C5: variants seen among roughly 807,000 people sequenced by gnomAD.
The protein encoded by C5 is complement C5.
In C5, 140 loss-of-function variants were observed where a neutral mutation model predicts 218.8. That is an observed-to-expected ratio of 0.64 (90% confidence interval 0.56 to 0.74). The LOEUF (loss-of-function observed/expected upper bound fraction) is 0.74, where lower values mean the gene tolerates loss of function less well. Among genes scored for constraint, C5 ranks in the 30% least tolerant of loss-of-function variants. The pLI is 0.00. For missense variants in C5, 1,700 were observed against 1,969.6 expected, an observed-to-expected ratio of 0.86 and a Z score of 2.59; for synonymous variants, 614 against 682.3, an observed-to-expected ratio of 0.90 and a Z score of 1.56.
intron 17 of C5, among the ~76,000 whole-genome samples, chr9:121,011,553 G>A (rs2047262283): frequency 6.6e-6 from 1 of 152,052 alleles, no homozygotes; most frequent in Non-Finnish European, 1.5e-5. Context: ...ATACACTATG[G>A]AGAACAGTTT....
chr9:121,068,340 C>T, the C5 span, among the ~76,000 whole-genome samples: 28 of 151,724 alleles, frequency 1.8e-4, no homozygotes, highest in African/African-American at 4.8e-4. Flanking sequence ...ACACAAACAA[C>T]AAATGAGCTA....
chr9:121,002,262 GTATA>G (rs1378580821), intron 20 of C5, among the ~76,000 whole-genome samples: 1,253 of 92,084 alleles, frequency 0.014, 34 homozygotes, highest in African/African-American at 0.038. Context: ...ATGTATATAT[GTATA>G]TATATGTATA....
intron 20 of C5, among the ~76,000 whole-genome samples, chr9:121,003,996 G>A (rs1218642703): frequency 6.6e-6 from 1 of 152,060 alleles, no homozygotes; most frequent in Non-Finnish European, 1.5e-5. Context: ...TGTCTCCCGA[G>A]TAGCTGGGAC....
chr9:120,974,974 T>C (rs377119321), intron 29 of C5, 43 bp from the exon 30 acceptor site: 31 of 1,608,362 alleles, frequency 1.9e-5, no homozygotes, highest in South Asian at 1.1e-5. Context: ...TTAGTTTATT[T>C]ATGTACTCCC....
chr9:120,986,065 G>A (rs965728402), intron 25 of C5, among the ~76,000 whole-genome samples: 6 of 152,088 alleles, frequency 3.9e-5, no homozygotes, highest in Admixed American at 6.6e-5. Flanking sequence ...GGCCAGCCTA[G>A]GGCATTTGGG....
upstream of C5, among the ~76,000 whole-genome samples, chr9:121,053,547 C>A (rs1337177137): frequency 1.3e-5 from 2 of 152,078 alleles, no homozygotes; most frequent in African/African-American, 4.8e-5. Context: ...CGCAAGACAG[C>A]ACCTTCATAA....
intron 39 of C5, among the ~76,000 whole-genome samples, chr9:120,956,582 A>G (rs2046786482): frequency 1.3e-5 from 2 of 152,234 alleles, no homozygotes. Context: ...GGAACAAAGA[A>G]AGAACTTGAA....
chr9:121,014,031 T>C lies in C5; in HGVS notation c.2099A>G (p.Tyr700Cys), dbSNP rs1554722984. 1 of 1,614,200 alleles carries C rather than the reference T, an allele frequency of 6.2e-7. No homozygotes were observed. The highest frequency in any genetic ancestry group is 1.1e-5 in the South Asian group (1 of 91,082). The change falls in exon 17 of 41, where the codon TAC becomes TGC. Residue 700 changes from tyrosine to cysteine, a missense_variant. Transcript: ENST00000223642. ...ATCATTATTAACGCAGGCTCCATCG[T>C]AACAACATTTCTTCACTACTGAATG... is the stretch of plus-strand genomic sequence containing the variant. ...YKHSVVKKCC[Y>C]DGACVNNDET...
chr9:121,021,846 G>C (rs1018296625), intron 10 of C5, 152 bp from the exon 11 acceptor site: 8 of 716,886 alleles, frequency 1.1e-5, no homozygotes, highest in East Asian at 1.1e-4. Flanking sequence ...GACTTACTAC[G>C]TTGCCCAGGT....
At chr9:120,993,336 A>G (rs2047091226) in intron 22 of C5, among the ~76,000 whole-genome samples, 1 of 152,244 alleles carries the variant, frequency 6.6e-6, no homozygotes, top group Non-Finnish European at 1.5e-5. Flanking sequence ...TATATTGTAT[A>G]TACAGTGATG....
chr9:120,960,343 T>C lies in C5; in HGVS notation c.4589-6A>G. On this transcript the variant is annotated splice_polypyrimidine_tract_variant and splice_region_variant and intron_variant, in intron 37 of 40. Coordinates refer to ENST00000223642, the MANE Select transcript of C5 (RefSeq NM_001735.3). ...CTGCATTTGCCCACAATCAGCTGGA[T>C]TTTGTGAAAATTGGTAAAAATAAGG... 1 of 1,606,572 alleles carries C rather than the reference T, an allele frequency of 6.2e-7. No homozygotes were observed. The highest frequency in any genetic ancestry group is 8.5e-7 in the Non-Finnish European group (1 of 1,174,052).
the C5 span, among the ~76,000 whole-genome samples, chr9:121,072,699 G>A: frequency 7.9e-5 from 12 of 151,594 alleles, no homozygotes; most frequent in Admixed American, 3.9e-4. Flanking sequence ...CCAACTCCTC[G>A]GGAGGCTGAG....
chr9:120,953,020 T>C, intron 40 of C5, 152 bp from the exon 41 acceptor site: 1 of 716,630 alleles, frequency 1.4e-6, no homozygotes, highest in South Asian at 1.6e-5. Flanking sequence ...GCCTCTCGGG[T>C]TCACGCCATT....
At chr9:121,011,598 A>C (rs1464305338) in intron 17 of C5, among the ~76,000 whole-genome samples, 1 of 152,234 alleles carries the variant, frequency 6.6e-6, no homozygotes, top group African/African-American at 2.4e-5. Context: ...TAGAGCTACC[A>C]TATGATCTGG....
chr9:121,025,407 CA>C (rs779819261), intron 9 of C5, 46 bp downstream of exon 9: 1 of 961,628 alleles, frequency 1.0e-6, no homozygotes, highest in Non-Finnish European at 1.4e-6. Flanking sequence ...AAATATTTTT[CA>C]AAAGAAAGTA....
chr9:120,975,770 T>C (rs1327641908), intron 29 of C5, among the ~76,000 whole-genome samples: 1 of 152,196 alleles, frequency 6.6e-6, no homozygotes, highest in African/African-American at 2.4e-5. Flanking sequence ...TTTCTGTCCA[T>C]TGTAAATTAT....
At chr9:120,974,554 T>C (rs1389609304) in intron 30 of C5, among the ~76,000 whole-genome samples, 1 of 152,234 alleles carries the variant, frequency 6.6e-6, no homozygotes, top group Non-Finnish European at 1.5e-5. Flanking sequence ...CTCTTATTTT[T>C]CACTATCTGC....
rs538654794 is a variant in C5, at chr9:121,017,275, G to T, written c.1866+87C>A. On this transcript the variant is annotated intron_variant, in intron 14 of 40. Transcript: ENST00000223642. Reference sequence around the variant, plus strand: ...TGTTGAGTAGATTACAGAAAAGCAGGCCTAGTCTTCCCTTAGTTCTTCCTC... The same window carrying T: ...TGTTGAGTAGATTACAGAAAAGCAGTCCTAGTCTTCCCTTAGTTCTTCCTC... 2.0e-6 allele frequency: 3 copies of T among 1,484,770 alleles called. No individual in the cohort carries two copies. In the African/African-American group the frequency reaches 4.1e-5, roughly 20 times the overall value. The allele number at this position is 1,484,770 out of a possible 1,614,324, so 92.0% of individuals were successfully genotyped here.
At chr9:120,959,290 C>A (rs1208248025) in intron 38 of C5, among the ~76,000 whole-genome samples, 3 of 135,686 alleles carry the variant, frequency 2.2e-5, no homozygotes, top group African/African-American at 1.0e-4. Context: ...CAGAGTCTTG[C>A]TGGTGTTGCC....
Sources: gnomAD v4.1 joint callset for allele counts (sites outside exome capture counted in the v4.1 genomes callset) on GRCh38, gnomAD v4.1.1 for gene constraint, MANE v1.5 for transcripts, NCBI Gene and HGNC (gene_info 2026-07-23, HGNC 2026-07-21) for gene names.